LRRC28: variants seen among roughly 807,000 people sequenced by gnomAD.
The protein encoded by LRRC28 is leucine rich repeat containing 28, also known as leucine-rich repeat-containing protein 28.
A neutral mutation model predicts 45.7 loss-of-function variants in LRRC28; 39 were observed. The ratio of observed to expected loss-of-function variants is 0.85; its 90% CI spans 0.66 to 1.12. The LOEUF is 1.12. LRRC28 is among the 50% of genes most tolerant of loss of function. The probability of loss-of-function intolerance (pLI) is 0.00; values close to 1 mark genes in which losing one functional copy is unlikely to be tolerated. For synonymous variants in LRRC28, 206 were observed against 178.8 expected (o/e 1.15, Z -1.22); for missense variants, 435 against 438.5 (o/e 0.99, Z 0.07).
chr15:99,363,687 C>T (rs971336130), intron 9 of LRRC28, among the ~76,000 whole-genome samples: 20 of 152,078 alleles, frequency 1.3e-4, no homozygotes, highest in East Asian at 5.8e-4. Context: ...TGTGTGCATG[C>T]GCACACACAC....
rs545883504 is a variant in LRRC28 at position 99,389,172 on chromosome 15, A to C, written c.*3070A>C. Reference sequence around the variant, plus strand: ...TTCTGGAAAAGTGAGGTGTACATTAAACATCTTTTGGTCACCGTGCCTCAC... The same window carrying C: ...TTCTGGAAAAGTGAGGTGTACATTACACATCTTTTGGTCACCGTGCCTCAC... On this transcript the variant is annotated 3_prime_UTR_variant, in exon 10 of 10. Transcript: ENST00000301981. 10 of 152,334 alleles carry C rather than the reference A, an allele frequency of 6.6e-5. No homozygotes were observed. Among genetic ancestry groups the C allele is most frequent in the Admixed American group, 5.2e-4 (8 of 15,302 alleles). 9.4% of individuals were successfully genotyped at this position (152,334 alleles called of 1,614,324 possible).
chr15:99,301,777 G>T (rs1249383478), intron 5 of LRRC28, among the ~76,000 whole-genome samples: 1 of 152,102 alleles, frequency 6.6e-6, no homozygotes, highest in Non-Finnish European at 1.5e-5. Flanking sequence ...ACCAGTGTTT[G>T]TTTCCTATCC....
At chr15:99,371,647 A>G (rs1454176353) in intron 9 of LRRC28, among the ~76,000 whole-genome samples, 1 of 152,110 alleles carries the variant, frequency 6.6e-6, no homozygotes, top group African/African-American at 2.4e-5. Flanking sequence ...CATTATTTGC[A>G]TACTCATTTT....
rs146069410 is a variant in LRRC28, at chr15:99,358,140, G to A, written c.696-3196G>A. Reference sequence around the variant, plus strand: ...AATATAAGATAGCATACAAAGATTAGCAGCTTTTCTTTATGTCTTCGTAAA... The same window carrying A: ...AATATAAGATAGCATACAAAGATTAACAGCTTTTCTTTATGTCTTCGTAAA... On this transcript the variant is annotated intron_variant, in intron 7 of 9. Transcript: ENST00000301981. Among the ~76,000 whole-genome samples the A allele has an allele frequency of 7.8e-4, 119 of 152,260 alleles. 1 individual carries two copies. The Middle Eastern group carries it at 0.027, about 35-fold the overall frequency.
Position 99,287,266 on chromosome 15 carries a change from C to T in LRRC28, c.219C>T (p.His73=). 1 of 1,570,852 alleles carries T rather than the reference C, an allele frequency of 6.4e-7. No individual in the cohort carries two copies. The highest frequency in any genetic ancestry group is 1.2e-5 in the South Asian group (1 of 81,670). The stretch of plus-strand genomic sequence containing the variant: ...TCTTTTTCCTTCCTAGATACCTGCA[C>T]TCAAATAACATAGTTGTGGTTCCGG... The part of the protein sequence containing the change: ...KLPNLVELYL[H]SNNIVVVPEA... The change falls in exon 4 of 10, where the codon CAC becomes CAT. Residue 73 remains histidine (H), a synonymous_variant. Transcript: ENST00000301981.
chr15:99,327,488 T>G (rs1956023812), intron 5 of LRRC28, among the ~76,000 whole-genome samples: 1 of 152,242 alleles, frequency 6.6e-6, no homozygotes, highest in Non-Finnish European at 1.5e-5. Context: ...TTGAAATAAA[T>G]TTGTTCATAT....
At chr15:99,283,644 A>G (rs1183615512) in intron 3 of LRRC28, among the ~76,000 whole-genome samples, 1 of 147,490 alleles carries the variant, frequency 6.8e-6, no homozygotes, top group Non-Finnish European at 1.5e-5. Flanking sequence ...AAGGAATTCC[A>G]TGGTACATTT....
At chr15:99,351,262 T>C in intron 6 of LRRC28, among the ~76,000 whole-genome samples, 1 of 152,186 alleles carries the variant, frequency 6.6e-6, no homozygotes, top group Non-Finnish European at 1.5e-5. Context: ...TGGGAAGGGA[T>C]GGCCTGTATA....
intron 5 of LRRC28, among the ~76,000 whole-genome samples, chr15:99,319,146 G>A (rs1328690407): frequency 1.3e-5 from 2 of 152,060 alleles, no homozygotes; most frequent in African/African-American, 4.8e-5. Flanking sequence ...CTATGATGCT[G>A]TGATATTTCT....
At chr15:99,376,715 C>G (rs1053993391) in intron 9 of LRRC28, among the ~76,000 whole-genome samples, 6 of 152,066 alleles carry the variant, frequency 3.9e-5, no homozygotes, top group Admixed American at 6.5e-5. Context: ...CCACAACAGG[C>G]CCTGGTGTGT....
chr15:99,257,830 G>A (rs553700543), intron 2 of LRRC28: 1 of 777,332 alleles, frequency 1.3e-6, no homozygotes, highest in African/African-American at 1.7e-5. Flanking sequence ...TCACAAATAA[G>A]AGAACTTAGA....
At chr15:99,348,424 TAATC>T (rs1170594144) in intron 6 of LRRC28, among the ~76,000 whole-genome samples, 2 of 152,184 alleles carry the variant, frequency 1.3e-5, no homozygotes, top group South Asian at 2.1e-4. Context: ...TTAGGTTTCT[TAATC>T]AATTTTGAGT....
chr15:99,319,656 G>A (rs1185389219), intron 5 of LRRC28, among the ~76,000 whole-genome samples: 1 of 102,786 alleles, frequency 9.7e-6, no homozygotes, highest in African/African-American at 7.5e-5. Context: ...TCAAAACAGT[G>A]TGGTTTTTTT....
intron 6 of LRRC28, among the ~76,000 whole-genome samples, chr15:99,351,279 A>C (rs1956869705): frequency 6.6e-6 from 1 of 152,078 alleles, no homozygotes; most frequent in South Asian, 2.1e-4. Flanking sequence ...TATATCTGAG[A>C]AGTGTCTCCA....
chr15:99,308,994 T>C (rs1955297470), intron 5 of LRRC28, among the ~76,000 whole-genome samples: 1 of 152,228 alleles, frequency 6.6e-6, no homozygotes, highest in Non-Finnish European at 1.5e-5. Context: ...TTTTTTTCTG[T>C]ATTATCACTC....
chr15:99,270,924 G>A (rs2081461067), intron 2 of LRRC28, among the ~76,000 whole-genome samples: 1 of 152,144 alleles, frequency 6.6e-6, no homozygotes, highest in South Asian at 2.1e-4. Flanking sequence ...GCCAACACTT[G>A]TTACTTTTCT....
rs552951876 is a variant in LRRC28 at position 99,278,386 on chromosome 15, T to G, written c.209+1770T>G. On this transcript the variant is annotated intron_variant, in intron 3 of 9. Coordinates refer to ENST00000301981, the MANE Select transcript of LRRC28 (RefSeq NM_144598.5). The stretch of plus-strand genomic sequence containing the variant: ...GCCTCAGCCTCCTAGTAGCTGGGAT[T>G]ACAGGCATCCGCCACCACGCCTGGC... Among the ~76,000 whole-genome samples, 4 of 152,358 alleles carry G rather than the reference T, an allele frequency of 2.6e-5. No homozygotes were observed. The South Asian group carries it at 8.3e-4, about 32-fold the overall frequency.
At chr15:99,265,653 G>A (rs2081313700) in intron 2 of LRRC28, among the ~76,000 whole-genome samples, 1 of 152,164 alleles carries the variant, frequency 6.6e-6, no homozygotes, top group Non-Finnish European at 1.5e-5. Context: ...AGTTCCTCAA[G>A]GGAGGAAATT....
intron 3 of LRRC28, among the ~76,000 whole-genome samples, 193 bp from the exon 4 acceptor site, chr15:99,287,064 G>A (rs1241948748): frequency 6.6e-6 from 1 of 151,988 alleles, no homozygotes; most frequent in Non-Finnish European, 1.5e-5. Context: ...TTGCAATTCT[G>A]GTACAAAATA....
Sources: gnomAD v4.1 joint callset for allele counts (sites outside exome capture counted in the v4.1 genomes callset) on GRCh38, gnomAD v4.1.1 for gene constraint, MANE v1.5 for transcripts, NCBI Gene and HGNC (gene_info 2026-07-23, HGNC 2026-07-21) for gene names.